The following ATP8B2 variants were observed in gnomAD, a reference collection of about 807,000 sequenced individuals.
The protein encoded by ATP8B2 is ATPase phospholipid transporting 8B2.
A neutral mutation model predicts 133.4 loss-of-function variants in ATP8B2; 70 were observed. The observed-to-expected ratio is 0.52, with a 90% confidence interval of 0.43 to 0.64. The LOEUF (loss-of-function observed/expected upper bound fraction) is 0.64, where lower values mean the gene tolerates loss of function less well. Among genes scored for constraint, ATP8B2 ranks in the 30% least tolerant of loss-of-function variants. The pLI, the probability that ATP8B2 is intolerant of heterozygous loss-of-function variation, is 0.00. For missense variants in ATP8B2, 1,101 were observed against 1,535.7 expected, an observed-to-expected ratio of 0.72 and a Z score of 4.73; for synonymous variants, 517 against 589.5, an observed-to-expected ratio of 0.88 and a Z score of 1.78.
intron 11 of ATP8B2, among the ~76,000 whole-genome samples, chr1:154,335,427 C>T (rs1424168791): frequency 1.3e-5 from 2 of 152,152 alleles, no homozygotes; most frequent in East Asian, 1.9e-4. Flanking sequence ...AGTGGTGGCT[C>T]ACACCTGTAA....
chr1:154,340,707 C>T lies in ATP8B2; in HGVS notation c.1035-147C>T. On this transcript the variant is annotated intron_variant, in intron 12 of 27. Coordinates refer to ENST00000368489, the MANE Select transcript of ATP8B2 (RefSeq NM_001370597.1). This position sits in a 1 kb window ranked among gnomAD's most constrained non-coding sequence, Gnocchi z 4.0. ...CAGCCGGCTCCACCTTCAGGCTCTC[C>T]TTGCCCTTTCCCACCCAGGTTTCTG... 1 of 756,454 alleles carries T rather than the reference C, an allele frequency of 1.3e-6. No homozygotes were observed. The highest frequency in any genetic ancestry group is 1.7e-5 in the South Asian group (1 of 58,550). The allele number at this position is 756,454 out of a possible 1,614,324, so 46.9% of individuals were successfully genotyped here.
Position 154,331,094 on chromosome 1 carries a change from C to T in ATP8B2, c.251C>T (p.Pro84Leu). The T allele has an allele frequency of 1.9e-6, 3 of 1,614,132 alleles. No homozygotes were observed. Among genetic ancestry groups the T allele is most frequent in the Non-Finnish European group, 2.5e-6 (3 of 1,180,034 alleles). Residue 84 changes from proline to leucine, a missense_variant, in exon 5 of 28, where the codon CCT becomes CTT. By Grantham distance (98) the Pro-to-Leu change is moderately conservative (BLOSUM62 -3). Coordinates refer to ENST00000368489, the MANE Select transcript of ATP8B2 (RefSeq NM_001370597.1). The surrounding 1 kb of genome is among the most constrained non-coding windows in gnomAD (Gnocchi z 4.8). ...SSLSWFTTIV[P>L]LVLVLTITAV... ...CTGTCCTGGTTCACCACCATTGTGC[C>T]TTTGGTTCTTGTCCTCACCATCACA... is the stretch of plus-strand genomic sequence containing the variant.
At chr1:154,348,705 C>T (rs116034079) in intron 27 of ATP8B2, 135 bp from the exon 28 acceptor site, 22 of 1,373,914 alleles carry the variant, frequency 1.6e-5, no homozygotes, top group Admixed American at 9.7e-5. Flanking sequence ...GAGGCCTCTG[C>T]GTCAGCCTGG....
intron 11 of ATP8B2, among the ~76,000 whole-genome samples, chr1:154,335,869 C>G (rs1686162821): frequency 6.6e-6 from 1 of 152,030 alleles, no homozygotes; most frequent in Non-Finnish European, 1.5e-5. Flanking sequence ...GAAACCCCAT[C>G]TCTACTAAAA....
Position 154,348,436 on chromosome 1 carries a change from C to T in ATP8B2, c.3192C>T (p.Pro1064=), listed in dbSNP as rs369703646. 6 of 1,611,812 alleles carry T rather than the reference C, an allele frequency of 3.7e-6. No individual in the cohort carries two copies. In the African/African-American group the frequency reaches 4.0e-5, roughly 11 times the overall value. ...ATGCCCAGAACACCTTGGCCCAGCC[C>T]ACGGTGTGGCTGACCATTGTGCTCA... ...VGNAQNTLAQ[P]TVWLTIVLTT... is the part of the protein sequence containing the mutation. Residue 1064 remains proline, a synonymous_variant, in exon 27 of 28, where the codon CCC becomes CCT. Coordinates refer to ENST00000368489, the MANE Select transcript of ATP8B2 (RefSeq NM_001370597.1).
In ATP8B2 at chr1:154,349,226, C is replaced by A; in HGVS notation, c.*108C>A. 1 of 1,384,530 alleles carries A rather than the reference C, an allele frequency of 7.2e-7. No homozygotes were observed. Among genetic ancestry groups the A allele is most frequent in the South Asian group, 1.4e-5 (1 of 71,940 alleles). 85.8% of individuals were successfully genotyped at this position (1,384,530 alleles called of 1,614,324 possible). Reference sequence around the variant, plus strand: ...TGGTCCTCATTCCTTGCTTCCCGTCCCCCCGGTAGACTCTGTCCTGCTGGT... The same window carrying A: ...TGGTCCTCATTCCTTGCTTCCCGTCACCCCGGTAGACTCTGTCCTGCTGGT... On this transcript the variant is annotated 3_prime_UTR_variant, in exon 28 of 28. Transcript: ENST00000368489.
chr1:154,330,353 A>T, intron 2 of ATP8B2, 43 bp from the exon 3 acceptor site: 1 of 1,589,400 alleles, frequency 6.3e-7, no homozygotes, highest in Non-Finnish European at 8.6e-7. Flanking sequence ...GTTGGTCCAG[A>T]CCTCAGTTTG....
rs1284584923 is a variant in ATP8B2 at position 154,345,155 on chromosome 1, G to GT, written c.2470+2dup. On this transcript the variant is annotated splice_donor_variant, in intron 22 of 27. Transcript: ENST00000368489. LOFTEE classifies it high-confidence loss of function. This position sits in a 1 kb window ranked among gnomAD's most constrained non-coding sequence, Gnocchi z 5.6. ...GCCAATGATGTCAGCATGATCAAAA[G>GT]TGAGTGTGGGCTGTGCAGGTGTGTA... 3 of 1,613,228 alleles carry GT rather than the reference G, an allele frequency of 1.9e-6. No individual in the cohort carries two copies. Among genetic ancestry groups the GT allele is most frequent in the Non-Finnish European group, 2.5e-6 (3 of 1,179,424 alleles).
chr1:154,332,060 G>C (rs768626442), intron 8 of ATP8B2, 36 bp downstream of exon 8: 2 of 1,591,720 alleles, frequency 1.3e-6, no homozygotes, highest in Admixed American at 3.3e-5. Context: ...CTCTCCTTCT[G>C]TCTCTTTGGA....
Position 154,337,380 on chromosome 1 carries a change from C to A in ATP8B2, c.870C>A (p.Ile290=). 6.2e-7 allele frequency: 1 copy of A among 1,614,064 alleles called. No individual in the cohort carries two copies. The highest frequency in any genetic ancestry group is 8.5e-7 in the Non-Finnish European group (1 of 1,179,978). ...GATTCCTGGTTTGCATGGGGGTGAT[C>A]CTGGCCATTGGCAATGCCATCTGGG... is the stretch of plus-strand genomic sequence containing the variant. ...IFGFLVCMGV[I]LAIGNAIWEH... is the part of the protein sequence containing the mutation. Residue 290 remains isoleucine, a synonymous_variant, in exon 12 of 28, where the codon ATC becomes ATA. Coordinates refer to ENST00000368489, the MANE Select transcript of ATP8B2 (RefSeq NM_001370597.1).
rs145074691 is a variant in ATP8B2 at position 154,345,380 on chromosome 1, C to A, written c.2529C>A (p.Ser843=). ...GQEGIQAVLA[S]DYSFSQFKFL... ...AAGGGATCCAGGCTGTCTTGGCCTC[C>A]GATTACTCCTTCTCCCAGTTCAAGT... Residue 843 remains serine (S), a synonymous_variant, in exon 23 of 28, where the codon TCC becomes TCA. Transcript: ENST00000368489. The surrounding 1 kb of genome is among the most constrained non-coding windows in gnomAD (Gnocchi z 5.6). 7.4e-6 allele frequency: 12 copies of A among 1,614,176 alleles called. No individual in the cohort carries two copies. The highest frequency in any genetic ancestry group is 1.7e-4 in the Middle Eastern group (1 of 6,056).
In ATP8B2 at chr1:154,331,409, G is replaced by A; in HGVS notation, c.304-35G>A. On this transcript the variant is annotated intron_variant, in intron 5 of 27. Transcript: ENST00000368489. This position sits in a 1 kb window ranked among gnomAD's most constrained non-coding sequence, Gnocchi z 4.8. The stretch of plus-strand genomic sequence containing the variant: ...ATCAACGAATTCCTTCGAGGCGGGG[G>A]AAGGTGTCTTACCTTTCAGTTTTCT... 1 of 1,604,506 alleles carries A rather than the reference G, an allele frequency of 6.2e-7. No individual in the cohort carries two copies. The highest frequency in any genetic ancestry group is 1.1e-5 in the South Asian group (1 of 90,814).
At position 154,345,582 on chromosome 1, in the gene ATP8B2, G is replaced by C; in HGVS notation, c.2694+37G>C. ...TCCCAGTCCACTGTTGTGCAAATCTGTAAACCTGAGGGCAGAGGTTCTGTC... is the reference window on the plus strand; with the variant it reads ...TCCCAGTCCACTGTTGTGCAAATCTCTAAACCTGAGGGCAGAGGTTCTGTC... On this transcript the variant is annotated intron_variant, in intron 23 of 27. Transcript: ENST00000368489. The surrounding 1 kb of genome is among the most constrained non-coding windows in gnomAD (Gnocchi z 5.6). The C allele has an allele frequency of 6.4e-7, 1 of 1,554,462 alleles. No individual in the cohort carries two copies. Among genetic ancestry groups the C allele is most frequent in the Non-Finnish European group, 8.8e-7 (1 of 1,132,636 alleles).
chr1:154,349,267 TG>T lies in ATP8B2; in HGVS notation c.*152del. On this transcript the variant is annotated 3_prime_UTR_variant, in exon 28 of 28. Transcript: ENST00000368489. ...TCCTGCTGGTCCCACCACACATGGC[TG>T]GGACATCTGTTCCCAGCTGTAGGCC... 1 of 1,066,386 alleles carries T rather than the reference TG, an allele frequency of 9.4e-7. No individual in the cohort carries two copies. Among genetic ancestry groups the T allele is most frequent in the Non-Finnish European group, 1.3e-6 (1 of 752,418 alleles). 66.1% of individuals were successfully genotyped at this position (1,066,386 alleles called of 1,614,324 possible).
At chr1:154,341,213 G>A (rs34968830) in intron 13 of ATP8B2, 151 bp downstream of exon 13, 116,104 of 801,430 alleles carry the variant, frequency 0.14, 8,761 homozygotes, top group African/African-American at 0.2. Context: ...GGCCAGGCAC[G>A]GTGGCTCATG....
Position 154,344,320 on chromosome 1 carries a change from C to G in ATP8B2, c.2035+66C>G. On this transcript the variant is annotated intron_variant, in intron 19 of 27. Coordinates refer to ENST00000368489, the MANE Select transcript of ATP8B2 (RefSeq NM_001370597.1). This position sits in a 1 kb window ranked among gnomAD's most constrained non-coding sequence, Gnocchi z 4.1. Reference sequence around the variant, plus strand: ...AGCCCTGTTGGACCCTTGCATGGAGCCGAGGACATCAGGCAGGCAAGTGTG... The same window carrying G: ...AGCCCTGTTGGACCCTTGCATGGAGGCGAGGACATCAGGCAGGCAAGTGTG... 6.2e-7 allele frequency: 1 copy of G among 1,614,084 alleles called. No individual in the cohort carries two copies. Among genetic ancestry groups the G allele is most frequent in the Non-Finnish European group, 8.5e-7 (1 of 1,179,960 alleles).
rs1313650684 is a variant in ATP8B2 at position 154,330,883 on chromosome 1, C to G, written c.159C>G (p.Phe53Leu). ...TGCCTGTCAACCTCTTTGAGCAGTT[C>G]CAGGAAGTTGCCAACACTTACTTCC... ...TFLPVNLFEQ[F>L]QEVANTYFLF... The change falls in exon 4 of 28, where the codon TTC becomes TTG. Residue 53 changes from phenylalanine (F) to leucine (L), a missense_variant. Transcript: ENST00000368489. 6.2e-7 allele frequency: 1 copy of G among 1,614,134 alleles called. No individual in the cohort carries two copies. Among genetic ancestry groups the G allele is most frequent in the Admixed American group, 1.7e-5 (1 of 60,010 alleles).
chr1:154,349,013 C>T lies in ATP8B2; in HGVS notation c.3468C>T (p.Ser1156=). ...NMRLSSLALS[S]FTTRSSSSWI... is the part of the protein sequence containing the mutation. ...GGCTGAGCTCTCTCGCGCTCTCCAGCTTCACCACCCGCTCCAGCTCCAGCT... is the reference window on the plus strand; with the variant it reads ...GGCTGAGCTCTCTCGCGCTCTCCAGTTTCACCACCCGCTCCAGCTCCAGCT... Residue 1156 remains serine, a synonymous_variant, in exon 28 of 28, where the codon AGC becomes AGT. Transcript: ENST00000368489. The T allele has an allele frequency of 1.2e-6, 2 of 1,614,252 alleles. No homozygotes were observed. The highest frequency in any genetic ancestry group is 8.5e-7 in the Non-Finnish European group (1 of 1,180,046).
chr1:154,348,664 T>C (rs1228009715), intron 27 of ATP8B2, 126 bp downstream of exon 27: 1 of 1,438,902 alleles, frequency 6.9e-7, no homozygotes, highest in African/African-American at 1.4e-5. Context: ...CTGTTCTTCC[T>C]GGGGACAGAC....
Sources: allele counts gnomAD v4.1 joint callset (sites outside exome capture counted in the v4.1 genomes callset), GRCh38; gene constraint gnomAD v4.1.1; non-coding constraint Gnocchi (gnomAD v3.1); transcripts MANE v1.5; gene names NCBI Gene and HGNC (gene_info 2026-07-23, HGNC 2026-07-21).